Variants in CEP85L observed in about 807,000 individuals in gnomAD.
CEP85L encodes centrosomal protein 85L, also known as centrosomal protein of 85 kDa-like.
CEP85L carries 60 observed loss-of-function variants against 100.3 expected under a neutral mutation model. That is an observed-to-expected ratio of 0.60 (90% CI 0.49 to 0.74). CEP85L has a LOEUF of 0.74. CEP85L is among the 30% of genes least tolerant of loss of function. The pLI is 0.00. For missense variants in CEP85L, 973 were observed against 936.2 expected, an observed-to-expected ratio of 1.04 and a Z score of -0.51; for synonymous variants, 319 against 322.7, an observed-to-expected ratio of 0.99 and a Z score of 0.12.
intron 5 of CEP85L, among the ~76,000 whole-genome samples, chr6:118,500,544 T>A (rs1775225542): frequency 1.3e-5 from 1 of 79,940 alleles, no homozygotes; most frequent in African/African-American, 4.7e-5. Context: ...CTCTTTCTCG[T>A]TATCTCTTTT....
chr6:118,604,825 A>T (rs1772076176), intron 2 of CEP85L, among the ~76,000 whole-genome samples: 1 of 152,256 alleles, frequency 6.6e-6, no homozygotes, highest in Non-Finnish European at 1.5e-5. Flanking sequence ...ACCTTAATTT[A>T]GACCAAATGT....
rs1475172006 is a variant in CEP85L at position 118,465,253 on chromosome 6, T to A, written c.*152A>T. The A allele has an allele frequency of 1.7e-6, 1 of 604,464 alleles. No individual in the cohort carries two copies. Among genetic ancestry groups the A allele is most frequent in the African/African-American group, 1.9e-5 (1 of 52,590 alleles). The allele number at this position is 604,464 out of a possible 1,614,324, so 37.4% of individuals were successfully genotyped here. The stretch of plus-strand genomic sequence containing the variant: ...CCTGATTAGATAAGCCCCTTCAAAA[T>A]CTCTTCACTTCCCTTCTCCCCTTCA... On this transcript the variant is annotated 3_prime_UTR_variant, in exon 13 of 13. Transcript: ENST00000368491.
intron 1 of CEP85L, among the ~76,000 whole-genome samples, chr6:118,705,039 T>C (rs1429909627): frequency 1.3e-5 from 2 of 152,190 alleles, no homozygotes; most frequent in African/African-American, 4.8e-5. Flanking sequence ...CCTTTCATTT[T>C]TTCCCCATTC....
chr6:118,661,428 G>A (rs988645676), intron 1 of CEP85L, among the ~76,000 whole-genome samples: 9 of 151,914 alleles, frequency 5.9e-5, no homozygotes, highest in Admixed American at 1.3e-4. Flanking sequence ...TTCTAAATAC[G>A]TTTCAATAAG....
At chr6:118,623,270 A>G (rs1773571346) in intron 2 of CEP85L, among the ~76,000 whole-genome samples, 1 of 152,198 alleles carries the variant, frequency 6.6e-6, no homozygotes, top group African/African-American at 2.4e-5. Flanking sequence ...CCTGTAGAGG[A>G]CTGGCAGTTA....
At chr6:118,650,170 A>G (rs1363458409) in intron 1 of CEP85L, among the ~76,000 whole-genome samples, 1 of 152,242 alleles carries the variant, frequency 6.6e-6, no homozygotes, top group Non-Finnish European at 1.5e-5. Context: ...GTTACTTAAC[A>G]GGAGTCCCAG....
chr6:118,589,683 C>G, intron 2 of CEP85L: 1 of 282,256 alleles, frequency 3.5e-6, no homozygotes, highest in Non-Finnish European at 7.0e-6. Flanking sequence ...GAAGCAGAAA[C>G]TGGTGACCTT....
intron 2 of CEP85L, among the ~76,000 whole-genome samples, chr6:118,590,874 A>G (rs1413880959): frequency 6.6e-6 from 1 of 151,962 alleles, no homozygotes; most frequent in African/African-American, 2.4e-5. Flanking sequence ...AGCACTCCAC[A>G]TGTGTCCGTG....
In CEP85L at chr6:118,538,545, A is replaced by G. The variant is rs186094590; in HGVS notation, c.1021-14625T>C. On this transcript the variant is annotated intron_variant, in intron 3 of 12. Coordinates refer to ENST00000368491, the MANE Select transcript of CEP85L (RefSeq NM_001042475.3). ...GGGAGAAAAATTTTTCCTCTTAAAA[A>G]TCAATCCAGTTTATATATCATCGGT... Among the ~76,000 whole-genome samples the G allele has an allele frequency of 8.5e-5, 13 of 152,188 alleles. No homozygotes were observed. In the East Asian group the frequency reaches 2.5e-3, roughly 29 times the overall value.
At chr6:118,537,717 G>T in intron 3 of CEP85L, 1 of 985,208 alleles carries the variant, frequency 1.0e-6, no homozygotes, top group Non-Finnish European at 1.2e-6. Context: ...AAAATTCTTT[G>T]GCCTGGACAA....
chr6:118,532,045 C>CACA (rs1240205456), intron 3 of CEP85L, among the ~76,000 whole-genome samples: 2 of 152,086 alleles, frequency 1.3e-5, no homozygotes, highest in Non-Finnish European at 2.9e-5. Flanking sequence ...GAGACACATG[C>CACA]ACAACATGTT....
chr6:118,509,345 C>G (rs1775838124), intron 5 of CEP85L, among the ~76,000 whole-genome samples: 1 of 152,022 alleles, frequency 6.6e-6, no homozygotes, highest in Non-Finnish European at 1.5e-5. Context: ...TACTAAAATG[C>G]TGTTACCAAA....
intron 1 of CEP85L, among the ~76,000 whole-genome samples, chr6:118,697,537 A>G (rs1298970940): frequency 6.6e-6 from 1 of 152,170 alleles, no homozygotes; most frequent in Non-Finnish European, 1.5e-5. Flanking sequence ...GCACTTCAGT[A>G]ATCTATTTTG....
intron 6 of CEP85L, among the ~76,000 whole-genome samples, chr6:118,485,137 A>G (rs1774084822): frequency 6.6e-6 from 1 of 152,206 alleles, no homozygotes; most frequent in Non-Finnish European, 1.5e-5. Context: ...TATCATCTAT[A>G]AATTTCATAT....
rs751698371 is a variant in CEP85L at position 118,709,556 on chromosome 6, T to TGTGTGTGTGTGTGTGTGTGTGTGTGA, written c.-28+479_-28+480insTCACACACACACACACACACACACAC. Among the ~76,000 whole-genome samples the TGTGTGTGTGTGTGTGTGTGTGTGTGA allele has an allele frequency of 2.3e-3, 329 of 142,290 alleles. 2 individuals are homozygous for TGTGTGTGTGTGTGTGTGTGTGTGTGA. Among genetic ancestry groups the TGTGTGTGTGTGTGTGTGTGTGTGTGA allele is most frequent in the African/African-American group, 7.0e-3 (249 of 35,550 alleles). 93.3% of individuals were successfully genotyped at this position (142,290 alleles called of 152,430 possible). ...GCGTGTGTGTGTGTGTGTGTGTGTGTGAGAGAGAGAGAGAGAGAGAGAGAG... is the reference window on the plus strand; with the variant it reads ...GCGTGTGTGTGTGTGTGTGTGTGTGTGTGTGTGTGTGTGTGTGTGTGTGTGAGAGAGAGAGAGAGAGAGAGAGAGAG... On this transcript the variant is annotated intron_variant, in intron 1 of 13. Transcript: ENST00000368488.
At chr6:118,637,996 GAACAA>G (rs1774617977) in intron 1 of CEP85L, among the ~76,000 whole-genome samples, 1 of 151,892 alleles carries the variant, frequency 6.6e-6, no homozygotes, top group Non-Finnish European at 1.5e-5. Context: ...AATGTTAAAA[GAACAA>G]AACAACAGTG....
In CEP85L at chr6:118,651,285, C is replaced by G; in HGVS notation, c.-16G>C. On this transcript the variant is annotated 5_prime_UTR_variant, in exon 1 of 13. Coordinates refer to ENST00000368491, the MANE Select transcript of CEP85L (RefSeq NM_001042475.3). ...GCCCCCACATCGCGGGCGAGAGGGC[C>G]GGGTGGGCCAGGGACGCCCGACTCC... is the stretch of plus-strand genomic sequence containing the variant. 2 of 1,480,488 alleles carry G rather than the reference C, an allele frequency of 1.4e-6. No individual in the cohort carries two copies. The highest frequency in any genetic ancestry group is 8.9e-7 in the Non-Finnish European group (1 of 1,119,240). The allele number at this position is 1,480,488 out of a possible 1,614,324, so 91.7% of individuals were successfully genotyped here. A position where few individuals can be genotyped will look rare whatever the true frequency, so the allele number is the denominator to read the frequency against.
At chr6:118,497,935 T>C (rs966606535) in intron 5 of CEP85L, among the ~76,000 whole-genome samples, 13 of 152,260 alleles carry the variant, frequency 8.5e-5, no homozygotes, top group African/African-American at 3.1e-4. Flanking sequence ...TGTGCATGTA[T>C]GTATACATAT....
At position 118,483,852 on chromosome 6, in the gene CEP85L, T is replaced by C; in HGVS notation, c.1444A>G (p.Thr482Ala). 6.2e-7 allele frequency: 1 copy of C among 1,612,108 alleles called. No homozygotes were observed. Among genetic ancestry groups the C allele is most frequent in the Non-Finnish European group, 8.5e-7 (1 of 1,179,444 alleles). Residue 482 changes from threonine to alanine, a missense_variant, in exon 7 of 13, where the codon ACT becomes GCT. Physicochemically the swap from Thr to Ala is moderately conservative, Grantham distance 58. Transcript: ENST00000368491. Reference protein sequence around the residue: ...EKKKLEEKLKTRDRYISSLKK... With the variant: ...EKKKLEEKLKARDRYISSLKK... The stretch of plus-strand genomic sequence containing the variant: ...AGACTACTGATGTATCGATCTCTAG[T>C]TTTAAGCTAAAAGCAAACAATTATG...
Sources: allele counts gnomAD v4.1 joint callset (sites outside exome capture counted in the v4.1 genomes callset), GRCh38; gene constraint gnomAD v4.1.1; transcripts MANE v1.5; gene names NCBI Gene and HGNC (gene_info 2026-07-23, HGNC 2026-07-21).